MAPKAPK5: variants seen among roughly 807,000 people sequenced by gnomAD.
The protein encoded by MAPKAPK5 is MAP kinase-activated protein kinase 5.
A neutral mutation model predicts 65.1 loss-of-function variants in MAPKAPK5; 30 were observed. That is an observed-to-expected ratio of 0.46 (90% confidence interval 0.34 to 0.63). MAPKAPK5 has a LOEUF of 0.63. Among genes scored for constraint, MAPKAPK5 ranks in the 20% least tolerant of loss-of-function variants. MAPKAPK5 has a pLI of 0.01. For missense variants in MAPKAPK5, 433 were observed against 581.4 expected (o/e 0.74, Z 2.63); for synonymous variants, 179 against 204.6 (o/e 0.87, Z 1.07).
Position 111,888,921 on chromosome 12 carries a change from T to C in MAPKAPK5, c.1137T>C (p.His379=). 6.2e-7 allele frequency: 1 copy of C among 1,611,944 alleles called. No individual in the cohort carries two copies. Among genetic ancestry groups the C allele is most frequent in the Non-Finnish European group, 8.5e-7 (1 of 1,178,370 alleles). Residue 379 remains histidine, a synonymous_variant, in exon 12 of 14, where the codon CAT becomes CAC. Transcript: ENST00000550735. ...AGGACAGTGTCTATATCCACGACCA[T>C]GAGAATGGAGCCGAGGATTCCAATG... is the stretch of plus-strand genomic sequence containing the variant. ...KPKDSVYIHD[H]ENGAEDSNVA...
At chr12:111,881,887 C>A (rs946983166) in intron 8 of MAPKAPK5, among the ~76,000 whole-genome samples, 5 of 152,180 alleles carry the variant, frequency 3.3e-5, no homozygotes, top group South Asian at 2.1e-4. Flanking sequence ...CTCCACTACT[C>A]TTAATCTGTG....
intron 7 of MAPKAPK5, among the ~76,000 whole-genome samples, chr12:111,878,539 C>T (rs1032952103): frequency 6.6e-6 from 1 of 152,018 alleles, no homozygotes; most frequent in African/African-American, 2.4e-5. Flanking sequence ...CCTGCCTCAG[C>T]CTCCCGAGTA....
chr12:111,848,925 A>T (rs115111743), intron 1 of MAPKAPK5, among the ~76,000 whole-genome samples: 2,730 of 150,650 alleles, frequency 0.018, 90 homozygotes, highest in African/African-American at 0.061. Context: ...TTATTTTTTT[A>T]TTTATTTTTT....
chr12:111,861,644 A>G (rs956264463), intron 1 of MAPKAPK5, among the ~76,000 whole-genome samples: 56 of 152,172 alleles, frequency 3.7e-4, no homozygotes, highest in African/African-American at 1.3e-3. Flanking sequence ...GTAGCTTTAA[A>G]AAAATCTTCT....
intron 2 of MAPKAPK5, among the ~76,000 whole-genome samples, 193 bp downstream of exon 2, chr12:111,865,516 C>G (rs1190758777): frequency 6.6e-6 from 1 of 152,008 alleles, no homozygotes; most frequent in Non-Finnish European, 1.5e-5. Flanking sequence ...GTGACTGAGT[C>G]GCATGGTCTT....
chr12:111,844,627 ACAAG>A (rs2068848278), intron 1 of MAPKAPK5, among the ~76,000 whole-genome samples: 1 of 152,250 alleles, frequency 6.6e-6, no homozygotes, highest in South Asian at 2.1e-4. Flanking sequence ...CACAAATGGT[ACAAG>A]CCAGACTCCT....
Position 111,901,681 on chromosome 12 carries a change from A to G in MAPKAPK5, c.*8620A>G, listed in dbSNP as rs1160210665. 2.2e-5 allele frequency: 6 copies of G among 273,602 alleles called. No individual in the cohort carries two copies. The highest frequency in any genetic ancestry group is 1.5e-4 in the South Asian group (4 of 27,506). The allele number at this position is 273,602 out of a possible 1,614,324, so 16.9% of individuals were successfully genotyped here. A position where few individuals can be genotyped will look rare whatever the true frequency, so the allele number is the denominator to read the frequency against. On this transcript the variant is annotated 3_prime_UTR_variant, in exon 14 of 14. Coordinates refer to ENST00000550735, the MANE Select transcript of MAPKAPK5 (RefSeq NM_003668.4). ...AAAAAGAAGAGGAGGAGGAGGAAGA[A>G]GAGGAGGAAGAATCAGATTCCTAAG... is the stretch of plus-strand genomic sequence containing the variant.
At chr12:111,843,933 C>T (rs1469379950) in intron 1 of MAPKAPK5, among the ~76,000 whole-genome samples, 6 of 152,136 alleles carry the variant, frequency 3.9e-5, no homozygotes, top group Non-Finnish European at 7.3e-5. Flanking sequence ...CTGCCTCAGC[C>T]TCCCGAGTAG....
In MAPKAPK5 at chr12:111,894,791, T is replaced by TGA. The variant is rs57187230; in HGVS notation, c.*1731_*1732dup. On this transcript the variant is annotated 3_prime_UTR_variant, in exon 14 of 14. Coordinates refer to ENST00000550735, the MANE Select transcript of MAPKAPK5 (RefSeq NM_003668.4). ...ATGTGTGTGTGTGTGTGTGTGTGTG[T>TGA]GAAGCAGTTTTTGGTGGGTACTTAC... 319 of 151,534 alleles carry TGA rather than the reference T, an allele frequency of 2.1e-3. 3 individuals are homozygous for TGA. The highest frequency in any genetic ancestry group is 0.015 in the East Asian group (80 of 5,162). The allele number at this position is 151,534 out of a possible 1,614,324, so 9.4% of individuals were successfully genotyped here.
At chr12:111,871,648 A>T (rs544871443) in intron 7 of MAPKAPK5, among the ~76,000 whole-genome samples, 46 of 152,218 alleles carry the variant, frequency 3.0e-4, no homozygotes, top group Non-Finnish European at 4.7e-4. Context: ...GTCTCAAAAA[A>T]AAATAAATAA....
intron 7 of MAPKAPK5, among the ~76,000 whole-genome samples, chr12:111,877,185 T>A (rs1219367149): frequency 6.6e-6 from 1 of 152,078 alleles, no homozygotes; most frequent in Admixed American, 6.6e-5. Flanking sequence ...GCCCGGCTAA[T>A]TTTTTGTATT....
chr12:111,892,284 C>T (rs1220252494), intron 13 of MAPKAPK5, among the ~76,000 whole-genome samples: 2 of 152,142 alleles, frequency 1.3e-5, no homozygotes, highest in African/African-American at 4.8e-5. Flanking sequence ...TTTTGATGAG[C>T]TCATTTATCT....
chr12:111,852,696 C>A (rs143968646), intron 1 of MAPKAPK5, among the ~76,000 whole-genome samples: 2 of 152,240 alleles, frequency 1.3e-5, no homozygotes, highest in African/African-American at 4.8e-5. Flanking sequence ...CTTTCCATTT[C>A]TTTAGGGCTT....
At chr12:111,871,709 G>A (rs950068316) in intron 7 of MAPKAPK5, among the ~76,000 whole-genome samples, 4 of 152,180 alleles carry the variant, frequency 2.6e-5, no homozygotes, top group Non-Finnish European at 5.9e-5. Context: ...TTTACATACA[G>A]TAAAATACCT....
chr12:111,882,711 G>A, intron 8 of MAPKAPK5: 1 of 657,844 alleles, frequency 1.5e-6, no homozygotes. Context: ...CCCCAGAATG[G>A]TGTAAGAGCT....
At chr12:111,891,082 GT>G (rs1322856852) in intron 13 of MAPKAPK5, among the ~76,000 whole-genome samples, 4 of 151,832 alleles carry the variant, frequency 2.6e-5, no homozygotes, top group African/African-American at 9.7e-5. Flanking sequence ...TTTTTTTGTT[GT>G]TGTTGTTTTT....
In MAPKAPK5 at chr12:111,900,270, T is replaced by C. The variant is rs778600350; in HGVS notation, c.*7209T>C. ...CCCTGGACAGAATATGGGCCAGGCCTTTCTCAGTGGTGCCTGCTCAAGCGG... is the reference window on the plus strand; with the variant it reads ...CCCTGGACAGAATATGGGCCAGGCCCTTCTCAGTGGTGCCTGCTCAAGCGG... On this transcript the variant is annotated 3_prime_UTR_variant, in exon 14 of 14. Transcript: ENST00000550735. 2.2e-6 allele frequency: 1 copy of C among 456,032 alleles called. No homozygotes were observed. The highest frequency in any genetic ancestry group is 1.5e-5 in the South Asian group (1 of 64,560). The allele number at this position is 456,032 out of a possible 1,614,324, so 28.2% of individuals were successfully genotyped here. A position where few individuals can be genotyped will look rare whatever the true frequency, so the allele number is the denominator to read the frequency against.
chr12:111,842,942 G>A (rs2068767779), intron 1 of MAPKAPK5, 173 bp downstream of exon 1: 1 of 450,078 alleles, frequency 2.2e-6, no homozygotes, highest in Admixed American at 6.0e-5. Context: ...GGTTATGGGT[G>A]TGGGTGTAGG....
chr12:111,892,817 C>A, intron 13 of MAPKAPK5, 150 bp from the exon 14 acceptor site: 1 of 460,710 alleles, frequency 2.2e-6, no homozygotes, highest in Non-Finnish European at 3.9e-6. Flanking sequence ...AATGGGGGAT[C>A]TGAACTGCTT....
Sources: allele counts gnomAD v4.1 joint callset (sites outside exome capture counted in the v4.1 genomes callset), GRCh38; gene constraint gnomAD v4.1.1; transcripts MANE v1.5; gene names NCBI Gene and HGNC (gene_info 2026-07-23, HGNC 2026-07-21).